DAB1: variants seen among roughly 807,000 people sequenced by gnomAD.
DAB1 encodes the protein DAB adaptor protein 1.
A neutral mutation model predicts 64.6 loss-of-function variants in DAB1; 15 were observed. That is an observed-to-expected ratio of 0.23 (90% CI 0.16 to 0.36). The LOEUF (loss-of-function observed/expected upper bound fraction) is 0.36, where lower values mean the gene tolerates loss of function less well. Ranked by LOEUF, DAB1 falls within the 10% of genes least tolerant of loss-of-function variation. The pLI is 1.00. For synonymous variants in DAB1, 235 were observed against 251.9 expected (o/e 0.93, Z 0.64); for missense variants, 596 against 706.7 (o/e 0.84, Z 1.78).
chr1:58,007,511 T>G (rs950386750), intron 5 of DAB1, among the ~76,000 whole-genome samples: 1 of 152,232 alleles, frequency 6.6e-6, no homozygotes, highest in Admixed American at 6.5e-5. Flanking sequence ...CCATGTCAGC[T>G]GCATCTTTGG....
At chr1:57,030,726 C>CTTGAAATGTTCTTCTTTGGTA (rs1646940401) in intron 9 of DAB1, among the ~76,000 whole-genome samples, 1 of 152,224 alleles carries the variant, frequency 6.6e-6, no homozygotes, top group African/African-American at 2.4e-5. Flanking sequence ...TCTTGCTGGA[C>CTTGAAATGTTCTTCTTTGGTA]TTGAAATGTT....
At chr1:57,972,462 C>T (rs564654570) in intron 5 of DAB1, among the ~76,000 whole-genome samples, 76 of 152,178 alleles carry the variant, frequency 5.0e-4, no homozygotes, top group Non-Finnish European at 5.3e-4. Flanking sequence ...AGGCTGGTCT[C>T]GAACTCCTGG....
chr1:57,058,127 G>A (rs1341253230), intron 9 of DAB1, among the ~76,000 whole-genome samples: 1 of 152,180 alleles, frequency 6.6e-6, no homozygotes, highest in Non-Finnish European at 1.5e-5. Context: ...CCTGATGTAG[G>A]AGGGGAGTGA....
chr1:57,148,360 G>A (rs1385358006), intron 2 of DAB1, among the ~76,000 whole-genome samples: 1 of 152,228 alleles, frequency 6.6e-6, no homozygotes, highest in African/African-American at 2.4e-5. Flanking sequence ...TAATTTGTAT[G>A]AAGGGCACTT....
At chr1:58,145,161 T>C (rs1654517663) in intron 5 of DAB1, among the ~76,000 whole-genome samples, 2 of 152,222 alleles carry the variant, frequency 1.3e-5, no homozygotes, top group Non-Finnish European at 2.9e-5. Context: ...TGCCAAGGAA[T>C]ATCCACGCAG....
intron 7 of DAB1, among the ~76,000 whole-genome samples, chr1:57,547,657 T>C (rs181739297): frequency 6.6e-6 from 1 of 152,214 alleles, no homozygotes; most frequent in East Asian, 1.9e-4. Flanking sequence ...AATATGCACA[T>C]AAAAATATAA....
chr1:58,101,916 G>C (rs1314861980), intron 5 of DAB1, among the ~76,000 whole-genome samples: 1 of 152,142 alleles, frequency 6.6e-6, no homozygotes, highest in Non-Finnish European at 1.5e-5. Flanking sequence ...CAGGTTTGCA[G>C]GTCCTGGGCC....
At chr1:58,256,399 C>T (rs1220250077) in intron 4 of DAB1, among the ~76,000 whole-genome samples, 4 of 152,088 alleles carry the variant, frequency 2.6e-5, no homozygotes, top group Non-Finnish European at 4.4e-5. Flanking sequence ...AGCCAGCCAG[C>T]GCAATGCCTT....
chr1:58,510,926 C>A (rs1435271188), intron 2 of DAB1, among the ~76,000 whole-genome samples: 7 of 151,810 alleles, frequency 4.6e-5, no homozygotes, highest in African/African-American at 1.7e-4. Flanking sequence ...AGGTGAAAGC[C>A]TTCTACACTA....
At chr1:57,483,564 G>T (rs549818882) in intron 7 of DAB1, among the ~76,000 whole-genome samples, 1 of 152,250 alleles carries the variant, frequency 6.6e-6, no homozygotes, top group East Asian at 1.9e-4. Context: ...AGGAGCATGA[G>T]AACAGACTAA....
chr1:57,950,822 T>C (rs1262386307), intron 5 of DAB1, among the ~76,000 whole-genome samples: 1 of 152,198 alleles, frequency 6.6e-6, no homozygotes, highest in Non-Finnish European at 1.5e-5. Context: ...TAGAAAAACC[T>C]GATGGCACTA....
At chr1:57,404,158 G>T (rs1432533581) in intron 1 of DAB1, among the ~76,000 whole-genome samples, 1 of 152,052 alleles carries the variant, frequency 6.6e-6, no homozygotes, top group Non-Finnish European at 1.5e-5. Flanking sequence ...TATGATACAG[G>T]CATGTAAAAA....
At chr1:57,839,647 G>A (rs1421515784) in intron 1 of DAB1, among the ~76,000 whole-genome samples, 1 of 152,120 alleles carries the variant, frequency 6.6e-6, no homozygotes. Flanking sequence ...TGTACCCAGA[G>A]GCCTCATAAA....
intron 1 of DAB1, among the ~76,000 whole-genome samples, chr1:57,833,200 T>A (rs1652670899): frequency 6.6e-6 from 1 of 152,188 alleles, no homozygotes; most frequent in Non-Finnish European, 1.5e-5. Context: ...CTACTATTTT[T>A]CTTTAGAAAA....
chr1:58,275,480 CA>C (rs1180591812), intron 4 of DAB1, among the ~76,000 whole-genome samples: 2 of 151,812 alleles, frequency 1.3e-5, no homozygotes, highest in African/African-American at 4.8e-5. Flanking sequence ...AACTCAACAA[CA>C]AAAAAACAAA....
At chr1:57,092,971 G>A (rs892221701) in intron 4 of DAB1, among the ~76,000 whole-genome samples, 2 of 152,260 alleles carry the variant, frequency 1.3e-5, no homozygotes, top group South Asian at 2.1e-4. Flanking sequence ...TTGAGAAGGC[G>A]ATGGAAGAGG....
At chr1:57,535,434 T>A (rs1644714478) in intron 7 of DAB1, among the ~76,000 whole-genome samples, 2 of 152,018 alleles carry the variant, frequency 1.3e-5, no homozygotes, top group Non-Finnish European at 2.9e-5. Flanking sequence ...ATCTATTGTC[T>A]TAATAGGATT....
intron 11 of DAB1, among the ~76,000 whole-genome samples, chr1:57,015,826 A>T (rs1646412140): frequency 6.6e-6 from 1 of 152,196 alleles, no homozygotes. Context: ...TCTCAATTGC[A>T]TAAGCTCTCT....
chr1:57,323,047 ATT>A (rs10671263), intron 1 of DAB1, among the ~76,000 whole-genome samples: 20,632 of 151,632 alleles, frequency 0.14, 1,691 homozygotes, highest in African/African-American at 0.23. Flanking sequence ...GAGTTCTGAG[ATT>A]TTTTTTTGCA....
Sources: gnomAD v4.1 joint callset for allele counts (sites outside exome capture counted in the v4.1 genomes callset) on GRCh38, gnomAD v4.1.1 for gene constraint, MANE v1.5 for transcripts, NCBI Gene and HGNC (gene_info 2026-07-23, HGNC 2026-07-21) for gene names.